The following WWOX variants were observed in gnomAD, a reference collection of about 807,000 sequenced individuals.
WWOX encodes WW domain-containing oxidoreductase.
In WWOX, 69 loss-of-function variants were observed where a neutral mutation model predicts 46.2. The ratio of observed to expected loss-of-function variants is 1.49; its 90% confidence interval spans 1.23 to 1.82. The LOEUF is 1.82. Among genes scored for constraint, WWOX ranks in the 40% most tolerant of loss-of-function variants. WWOX has a pLI of 0.00. For missense variants in WWOX, 919 were observed against 542.6 expected, an observed-to-expected ratio of 1.69 and a Z score of -6.89; for synonymous variants, 359 against 202.6, an observed-to-expected ratio of 1.77 and a Z score of -6.56.
At chr16:78,388,794 A>C (rs2151935585) in intron 6 of WWOX, among the ~76,000 whole-genome samples, 1 of 151,264 alleles carries the variant, frequency 6.6e-6, no homozygotes, top group East Asian at 2.0e-4. Context: ...ACAAGGTAAA[A>C]CCCCGTCTCT....
chr16:78,438,841 C>T (rs909254781), intron 8 of WWOX, among the ~76,000 whole-genome samples: 7 of 152,116 alleles, frequency 4.6e-5, no homozygotes, highest in Non-Finnish European at 8.8e-5. Flanking sequence ...AATGCTGGTC[C>T]TGTTGCAAAG....
At chr16:79,188,362 C>T (rs775709957) in intron 8 of WWOX, among the ~76,000 whole-genome samples, 2 of 149,372 alleles carry the variant, frequency 1.3e-5, no homozygotes, top group Non-Finnish European at 3.0e-5. Context: ...AGACCTATTT[C>T]CCTTGCAAAT....
chr16:79,142,584 G>T lies in WWOX; in HGVS notation c.1057-69024G>T, dbSNP rs139538015. ...TTATTAGAGAGAATTTTCAATTTCA[G>T]TTGTAGCATGAAAAATCACAGAGTC... On this transcript the variant is annotated intron_variant, in intron 8 of 8. Transcript: ENST00000566780. 2.7e-3 allele frequency among the ~76,000 whole-genome samples: 413 copies of T among 152,280 alleles called. 2 individuals are homozygous for T. Among genetic ancestry groups the T allele is most frequent in the African/African-American group, 9.4e-3 (389 of 41,562 alleles).
chr16:79,208,625 C>T (rs1038196290), intron 8 of WWOX, among the ~76,000 whole-genome samples: 1 of 102,832 alleles, frequency 9.7e-6, no homozygotes, highest in Non-Finnish European at 2.0e-5. Flanking sequence ...TTAAAGTGCT[C>T]TTTAAATTTT....
intron 8 of WWOX, among the ~76,000 whole-genome samples, chr16:78,462,495 G>A (rs1369909447): frequency 1.3e-5 from 2 of 152,144 alleles, no homozygotes; most frequent in African/African-American, 4.8e-5. Context: ...TTAGTAAATT[G>A]TTGTAAGGTC....
chr16:78,887,682 C>T (rs1409770684), intron 8 of WWOX, among the ~76,000 whole-genome samples: 2 of 152,068 alleles, frequency 1.3e-5, no homozygotes, highest in African/African-American at 4.8e-5. Flanking sequence ...CATTTGAATT[C>T]CCCCAGGTCT....
intron 8 of WWOX, among the ~76,000 whole-genome samples, chr16:78,801,373 G>A (rs1324950729): frequency 2.0e-5 from 3 of 152,092 alleles, no homozygotes; most frequent in Admixed American, 2.0e-4. Flanking sequence ...AGCTGGGTGT[G>A]GTGGCATGTG....
intron 8 of WWOX, among the ~76,000 whole-genome samples, chr16:78,655,696 T>C (rs1172208842): frequency 6.6e-6 from 1 of 152,158 alleles, no homozygotes; most frequent in Non-Finnish European, 1.5e-5. Context: ...GGGAGGGTGA[T>C]TAATTATTTA....
intron 8 of WWOX, among the ~76,000 whole-genome samples, chr16:78,911,239 G>C (rs2045103374): frequency 6.6e-6 from 1 of 151,942 alleles, no homozygotes; most frequent in Non-Finnish European, 1.5e-5. Context: ...AGCAATTTTG[G>C]TGATTTCCAT....
At chr16:79,093,824 C>T (rs2049013770) in intron 8 of WWOX, among the ~76,000 whole-genome samples, 1 of 152,164 alleles carries the variant, frequency 6.6e-6, no homozygotes, top group Non-Finnish European at 1.5e-5. Flanking sequence ...GAGTGACAGG[C>T]CTGAAGTAAA....
intron 6 of WWOX, among the ~76,000 whole-genome samples, chr16:78,412,603 A>G (rs187120766): frequency 7.9e-5 from 12 of 152,238 alleles, no homozygotes; most frequent in African/African-American, 1.7e-4. Flanking sequence ...CCAAGAGTGG[A>G]TGGTATCACA....
intron 8 of WWOX, among the ~76,000 whole-genome samples, chr16:78,611,261 G>A (rs993350981): frequency 6.6e-6 from 1 of 152,164 alleles, no homozygotes; most frequent in Non-Finnish European, 1.5e-5. Flanking sequence ...CTTCTCATAT[G>A]TTTAGGCAAG....
chr16:78,266,860 TG>T (rs1431043673), intron 5 of WWOX, among the ~76,000 whole-genome samples: 2 of 124,490 alleles, frequency 1.6e-5, no homozygotes, highest in Non-Finnish European at 3.4e-5. Flanking sequence ...CATAGTGATA[TG>T]GTTTGGCTGT....
At chr16:78,535,328 A>G (rs979635141) in intron 8 of WWOX, 4 of 152,206 alleles carry the variant, frequency 2.6e-5, no homozygotes, top group African/African-American at 9.6e-5. Context: ...CGGGAGATGG[A>G]TGATATGGGT....
At chr16:79,024,270 T>G (rs1199283301) in intron 8 of WWOX, among the ~76,000 whole-genome samples, 1 of 152,200 alleles carries the variant, frequency 6.6e-6, no homozygotes, top group Admixed American at 6.5e-5. Flanking sequence ...ATTTATTTAT[T>G]CTTTTAGGGA....
At chr16:78,968,699 T>C (rs2046411767) in intron 8 of WWOX, among the ~76,000 whole-genome samples, 1 of 152,204 alleles carries the variant, frequency 6.6e-6, no homozygotes, top group African/African-American at 2.4e-5. Context: ...TTTTCTTTCT[T>C]CTTCCTCTTC....
chr16:79,037,011 A>G (rs1286882424), intron 8 of WWOX, among the ~76,000 whole-genome samples: 2 of 152,210 alleles, frequency 1.3e-5, no homozygotes, highest in Non-Finnish European at 2.9e-5. Context: ...TGGCTCACGT[A>G]TTAACTGTAT....
Position 78,343,062 on chromosome 16 carries a change from C to G in WWOX, c.517-43798C>G, listed in dbSNP as rs1171063325. ...AACCATGGCCATCCAGTAGGCCACG[C>G]AACATTCCCACTGCCATGTTGGCTT... On this transcript the variant is annotated intron_variant, in intron 5 of 8. Coordinates refer to ENST00000566780, the MANE Select transcript of WWOX (RefSeq NM_016373.4). Among the ~76,000 whole-genome samples the G allele has an allele frequency of 1.3e-4, 16 of 121,340 alleles. 6 individuals are homozygous for G. Among genetic ancestry groups the G allele is most frequent in the Admixed American group, 1.3e-3 (16 of 12,546 alleles). The allele number at this position is 121,340 out of a possible 152,430, so 79.6% of individuals were successfully genotyped here.
intron 8 of WWOX, among the ~76,000 whole-genome samples, chr16:79,046,372 G>C (rs1049624870): frequency 6.6e-6 from 1 of 152,080 alleles, no homozygotes; most frequent in Non-Finnish European, 1.5e-5. Context: ...GTATCCTGTT[G>C]TCTTTATCAG....
Sources: gnomAD v4.1 joint callset for allele counts (sites outside exome capture counted in the v4.1 genomes callset) on GRCh38, gnomAD v4.1.1 for gene constraint, MANE v1.5 for transcripts, NCBI Gene and HGNC (gene_info 2026-07-23, HGNC 2026-07-21) for gene names.